Variants in AIF1L observed in about 807,000 individuals in gnomAD.
AIF1L encodes allograft inflammatory factor 1-like.
Under a neutral mutation model 20.7 loss-of-function variants are expected in AIF1L, and 12 were observed. The observed-to-expected ratio is 0.58, with a 90% confidence interval of 0.37 to 0.94. The LOEUF (loss-of-function observed/expected upper bound fraction) is 0.94. AIF1L is among the 40% of genes least tolerant of loss of function. The probability of loss-of-function intolerance (pLI) is 0.01; values close to 1 mark genes in which losing one functional copy is unlikely to be tolerated. For missense variants in AIF1L, 173 were observed against 185.3 expected (o/e 0.93, Z 0.39); for synonymous variants, 76 against 65.1 (o/e 1.17, Z -0.81).
At position 131,120,313 on chromosome 9, in the gene AIF1L, C is replaced by T. The variant is rs1831107522; in HGVS notation, c.444C>T (p.Ser148=). Residue 148 remains serine (S), a synonymous_variant, in exon 6 of 6, where the codon AGC becomes AGT. Coordinates refer to ENST00000247291, the MANE Select transcript of AIF1L (RefSeq NM_031426.4). ...CCCCTCCAGAGAGAGACATTGCTAG[C>T]CTGCCCTGAGGACCCCGCCTGGACT... ...VGPPPERDIA[S]LP 1 of 1,613,090 alleles carries T rather than the reference C, an allele frequency of 6.2e-7. No individual in the cohort carries two copies. Among genetic ancestry groups the T allele is most frequent in the South Asian group, 1.1e-5 (1 of 90,990 alleles).
intron 2 of AIF1L, among the ~76,000 whole-genome samples, chr9:131,109,020 T>A (rs1830814298): frequency 6.6e-6 from 1 of 152,210 alleles, no homozygotes; most frequent in African/African-American, 2.4e-5. Flanking sequence ...TTGGCCATCA[T>A]GTATTAGGAA....
At position 131,117,835 on chromosome 9, in the gene AIF1L, G is replaced by A. The variant is rs767468057; in HGVS notation, c.282G>A (p.Glu94=). 6.2e-7 allele frequency: 1 copy of A among 1,614,136 alleles called. No individual in the cohort carries two copies. The highest frequency in any genetic ancestry group is 1.1e-5 in the South Asian group (1 of 91,086). ...THLEMKKMIS[E]VTGGVSDTIS... ...TGGAGATGAAGAAGATGATCTCAGA[G>A]GTGACAGGAGGGGTCAGTGACACTA... is the stretch of plus-strand genomic sequence containing the variant. Residue 94 remains glutamate (E), a synonymous_variant, in exon 5 of 6, where the codon GAG becomes GAA. Transcript: ENST00000247291.
chr9:131,102,233 C>A (rs2133376855), intron 2 of AIF1L, among the ~76,000 whole-genome samples: 1 of 152,176 alleles, frequency 6.6e-6, no homozygotes, highest in South Asian at 2.1e-4. Flanking sequence ...TTTTCAGAAG[C>A]CACATGTCAT....
chr9:131,106,196 A>G (rs1363120692), intron 2 of AIF1L: 1 of 1,535,520 alleles, frequency 6.5e-7, no homozygotes, highest in East Asian at 2.4e-5. Context: ...AGTACTGTGC[A>G]GGGAGGGAGC....
chr9:131,120,545 T>C lies in AIF1L; in HGVS notation c.*223T>C. 2.1e-6 allele frequency: 1 copy of C among 486,018 alleles called. No homozygotes were observed. The highest frequency in any genetic ancestry group is 3.9e-5 in the Admixed American group (1 of 25,566). The allele number at this position is 486,018 out of a possible 1,614,324, so 30.1% of individuals were successfully genotyped here. A position where few individuals can be genotyped will look rare whatever the true frequency, so the allele number is the denominator to read the frequency against. ...TCCCCTCCCTCTCTTCTTCCCTCCT[T>C]CCCCGCTCCCTGTGCAGAAGGGCTG... On this transcript the variant is annotated 3_prime_UTR_variant, in exon 6 of 6. Coordinates refer to ENST00000247291, the MANE Select transcript of AIF1L (RefSeq NM_031426.4).
At chr9:131,117,451 C>T (rs1324583347) in intron 4 of AIF1L, among the ~76,000 whole-genome samples, 1 of 152,148 alleles carries the variant, frequency 6.6e-6, no homozygotes, top group Non-Finnish European at 1.5e-5. Context: ...CCCATCCACC[C>T]GTTCCACCGT....
chr9:131,112,523 C>T (rs367813868), intron 3 of AIF1L: 49 of 152,336 alleles, frequency 3.2e-4, no homozygotes, highest in East Asian at 2.5e-3. Context: ...TCTCGTGCGG[C>T]GTGGCGAGCT....
At position 131,105,879 on chromosome 9, in the gene AIF1L, T is replaced by C. The variant is rs368334517; in HGVS notation, c.94-5718T>C. Among the ~76,000 whole-genome samples, 42 of 150,120 alleles carry C rather than the reference T, an allele frequency of 2.8e-4. No individual in the cohort carries two copies. In the South Asian group the frequency reaches 8.7e-3, roughly 31 times the overall value. ...ACAGGGTCTGGCTGGAGTGCAGTGG[T>C]GCAGTCAAAGCTCATTGCAGCCTTC... is the stretch of plus-strand genomic sequence containing the variant. On this transcript the variant is annotated intron_variant, in intron 2 of 5. Coordinates refer to ENST00000247291, the MANE Select transcript of AIF1L (RefSeq NM_031426.4).
At chr9:131,115,731 T>G (rs1004114191) in intron 4 of AIF1L, among the ~76,000 whole-genome samples, 4 of 151,822 alleles carry the variant, frequency 2.6e-5, no homozygotes, top group African/African-American at 9.7e-5. Context: ...CCCAGCACTT[T>G]GGGAGGCCAA....
At chr9:131,118,874 C>T (rs1831071578) in intron 5 of AIF1L, among the ~76,000 whole-genome samples, 1 of 152,126 alleles carries the variant, frequency 6.6e-6, no homozygotes, top group Admixed American at 6.6e-5. Context: ...AGCACCTCCA[C>T]TACCCCCACA....
At chr9:131,111,535 C>T in intron 2 of AIF1L, 62 bp from the exon 3 acceptor site, 2 of 1,487,876 alleles carry the variant, frequency 1.3e-6, no homozygotes, top group Non-Finnish European at 1.9e-6. Context: ...GGACAGTGGG[C>T]CCATGTGTGG....
At chr9:131,106,619 CAA>C (rs948862066) in intron 2 of AIF1L, among the ~76,000 whole-genome samples, 55 of 152,078 alleles carry the variant, frequency 3.6e-4, no homozygotes, top group African/African-American at 1.3e-3. Flanking sequence ...CCCATCTCTA[CAA>C]AAAATACAAA....
At chr9:131,106,319 T>A in intron 2 of AIF1L, 1 of 1,284,638 alleles carries the variant, frequency 7.8e-7, no homozygotes, top group East Asian at 2.5e-5. Context: ...ACATGTTTAT[T>A]GAGCGTCTGC....
chr9:131,113,617 G>C (rs1336384691), intron 3 of AIF1L, among the ~76,000 whole-genome samples: 1 of 150,964 alleles, frequency 6.6e-6, no homozygotes, highest in African/African-American at 2.4e-5. Flanking sequence ...CTGAGATCAC[G>C]CCACTACACT....
intron 4 of AIF1L, 124 bp from the exon 5 acceptor site, chr9:131,117,632 C>T (rs904358225): frequency 9.9e-7 from 1 of 1,013,872 alleles, no homozygotes; most frequent in Non-Finnish European, 1.4e-6. Context: ...GGCTCCTCCT[C>T]CCTAGAGAAG....
intron 5 of AIF1L, 89 bp from the exon 6 acceptor site, chr9:131,120,146 C>T (rs1046302222): frequency 1.3e-5 from 17 of 1,273,494 alleles, no homozygotes; most frequent in Non-Finnish European, 1.8e-5. Context: ...ACCCTGCTGA[C>T]ATGAGGCTGG....
At chr9:131,116,686 A>G (rs563061875) in intron 4 of AIF1L, among the ~76,000 whole-genome samples, 1 of 152,342 alleles carries the variant, frequency 6.6e-6, no homozygotes, top group African/African-American at 2.4e-5. Flanking sequence ...ATAATCCTGT[A>G]AAGAACCTCT....
At chr9:131,104,355 A>G (rs1447598507) in intron 2 of AIF1L, among the ~76,000 whole-genome samples, 3 of 152,098 alleles carry the variant, frequency 2.0e-5, no homozygotes, top group Non-Finnish European at 2.9e-5. Context: ...CTACCCCCAC[A>G]TCTCCCTGGA....
At chr9:131,120,042 T>G (rs986238894) in intron 5 of AIF1L, among the ~76,000 whole-genome samples, 193 bp from the exon 6 acceptor site, 1 of 152,070 alleles carries the variant, frequency 6.6e-6, no homozygotes, top group Non-Finnish European at 1.5e-5. Flanking sequence ...CATTTTCTCC[T>G]CTGTAAAATG....
Sources: allele counts gnomAD v4.1 joint callset (sites outside exome capture counted in the v4.1 genomes callset), GRCh38; gene constraint gnomAD v4.1.1; transcripts MANE v1.5; gene names NCBI Gene and HGNC (gene_info 2026-07-23, HGNC 2026-07-21).